The following MAN1C1 variants were observed in gnomAD, a reference collection of about 807,000 sequenced individuals.
MAN1C1 encodes mannosidase alpha class 1C member 1.
A neutral mutation model predicts 71.5 loss-of-function variants in MAN1C1; 49 were observed. That is an observed-to-expected ratio of 0.69 (90% CI 0.54 to 0.87). The LOEUF (loss-of-function observed/expected upper bound fraction) is 0.87, where lower values mean the gene tolerates loss of function less well. Ranked by LOEUF, MAN1C1 falls within the 40% of genes least tolerant of loss-of-function variation. The pLI is 0.00. For missense variants in MAN1C1, 743 were observed against 835.0 expected, an observed-to-expected ratio of 0.89 and a Z score of 1.36; for synonymous variants, 352 against 343.7, an observed-to-expected ratio of 1.02 and a Z score of -0.27.
chr1:25,747,160 C>T (rs1035858934), intron 3 of MAN1C1, among the ~76,000 whole-genome samples: 3 of 152,214 alleles, frequency 2.0e-5, no homozygotes, highest in Non-Finnish European at 2.9e-5. Context: ...GGAGGGGGGA[C>T]GTGGCTCATC....
At chr1:25,780,186 A>G (rs2047673988) in intron 9 of MAN1C1, among the ~76,000 whole-genome samples, 1 of 152,206 alleles carries the variant, frequency 6.6e-6, no homozygotes, top group African/African-American at 2.4e-5. Context: ...AAGGATAGAA[A>G]TAGTGTATTA....
chr1:25,712,506 G>A (rs1214245122), intron 2 of MAN1C1, among the ~76,000 whole-genome samples: 1 of 152,174 alleles, frequency 6.6e-6, no homozygotes, highest in Non-Finnish European at 1.5e-5. Flanking sequence ...GCCTTGGCCT[G>A]TTGGGAGGGT....
intron 1 of MAN1C1, among the ~76,000 whole-genome samples, chr1:25,633,862 T>A (rs2045420740): frequency 6.6e-6 from 1 of 152,218 alleles, no homozygotes; most frequent in Non-Finnish European, 1.5e-5. Context: ...TGTTATTGTT[T>A]TATAGGCTCT....
At chr1:25,657,941 C>T (rs774703987) in intron 1 of MAN1C1, among the ~76,000 whole-genome samples, 7 of 152,320 alleles carry the variant, frequency 4.6e-5, no homozygotes, top group East Asian at 3.9e-4. Context: ...ACACACACAG[C>T]GTGACCCACC....
intron 1 of MAN1C1, among the ~76,000 whole-genome samples, chr1:25,621,646 C>T (rs930123359): frequency 1.3e-5 from 2 of 151,202 alleles, no homozygotes; most frequent in Admixed American, 6.6e-5. Flanking sequence ...TTTTTTAAGA[C>T]GGAGTCTTGC....
chr1:25,623,085 G>A (rs11247861), intron 1 of MAN1C1, among the ~76,000 whole-genome samples: 25,712 of 151,986 alleles, frequency 0.17, 5,461 homozygotes, highest in African/African-American at 0.49. Flanking sequence ...AGTCTCTTCC[G>A]TTTCCCTCTT....
At chr1:25,621,918 C>T (rs1398201391) in intron 1 of MAN1C1, among the ~76,000 whole-genome samples, 2 of 152,132 alleles carry the variant, frequency 1.3e-5, no homozygotes, top group African/African-American at 4.8e-5. Context: ...CACGAGCCAC[C>T]GCGCCTGGCC....
chr1:25,619,932 A>G (rs2045181080), intron 1 of MAN1C1, among the ~76,000 whole-genome samples: 1 of 152,214 alleles, frequency 6.6e-6, no homozygotes. Context: ...CAGAGGTGCC[A>G]TCAGATTTTC....
chr1:25,748,715 G>A (rs2047171424), intron 3 of MAN1C1, among the ~76,000 whole-genome samples: 1 of 152,244 alleles, frequency 6.6e-6, no homozygotes, highest in African/African-American at 2.4e-5. Context: ...GGCATGCCCT[G>A]TGCGCTCCGA....
At chr1:25,768,936 TAC>T (rs954532708) in intron 7 of MAN1C1, among the ~76,000 whole-genome samples, 16 of 76,880 alleles carry the variant, frequency 2.1e-4, no homozygotes, top group East Asian at 1.7e-3. Context: ...CCTTACACAC[TAC>T]ACACACACAC....
intron 6 of MAN1C1, among the ~76,000 whole-genome samples, chr1:25,762,760 A>G (rs813414): frequency 0.25 from 37,974 of 151,952 alleles, 5,961 homozygotes; most frequent in African/African-American, 0.44. Context: ...TCATCTGTTG[A>G]TGGACATTTA....
intron 2 of MAN1C1, among the ~76,000 whole-genome samples, chr1:25,700,626 A>G (rs2046429412): frequency 6.6e-6 from 1 of 152,212 alleles, no homozygotes; most frequent in Non-Finnish European, 1.5e-5. Context: ...GAAAGCGGGC[A>G]TTTAAGAAGA....
intron 1 of MAN1C1, among the ~76,000 whole-genome samples, chr1:25,674,617 A>G (rs2046038773): frequency 6.6e-6 from 1 of 152,180 alleles, no homozygotes; most frequent in African/African-American, 2.4e-5. Context: ...AGGCAAAAAG[A>G]GGAGGGAGGA....
chr1:25,720,581 C>G (rs1438742935), intron 2 of MAN1C1, among the ~76,000 whole-genome samples: 1 of 152,194 alleles, frequency 6.6e-6, no homozygotes, highest in Non-Finnish European at 1.5e-5. Flanking sequence ...TACCAGTTCT[C>G]TATGGGACAT....
At chr1:25,718,288 A>G (rs1572171719) in intron 2 of MAN1C1, among the ~76,000 whole-genome samples, 2 of 152,142 alleles carry the variant, frequency 1.3e-5, no homozygotes, top group South Asian at 4.1e-4. Context: ...GTCCCAGCGC[A>G]TTAGGTGGTA....
At chr1:25,678,647 T>A (rs1447370323) in intron 1 of MAN1C1, among the ~76,000 whole-genome samples, 6 of 152,228 alleles carry the variant, frequency 3.9e-5, no homozygotes, top group Non-Finnish European at 7.3e-5. Flanking sequence ...ATGTTCACTA[T>A]GGCATTATTT....
chr1:25,774,467 G>A (rs2047593377), intron 8 of MAN1C1, among the ~76,000 whole-genome samples: 1 of 152,286 alleles, frequency 6.6e-6, no homozygotes, highest in East Asian at 1.9e-4. Flanking sequence ...CATTGGGCTG[G>A]CCTCTACTTA....
intron 10 of MAN1C1, among the ~76,000 whole-genome samples, chr1:25,781,962 A>T (rs1211045001): frequency 6.6e-6 from 1 of 152,230 alleles, no homozygotes; most frequent in Non-Finnish European, 1.5e-5. Context: ...GCACGCCTAT[A>T]GTCCCAGCTG....
intron 11 of MAN1C1, among the ~76,000 whole-genome samples, 154 bp from the exon 12 acceptor site, chr1:25,783,509 C>T (rs1031519192): frequency 6.6e-6 from 1 of 152,198 alleles, no homozygotes; most frequent in Non-Finnish European, 1.5e-5. Flanking sequence ...GGACTAGCAC[C>T]CCCACCCTGC....
Sources: allele counts gnomAD v4.1 joint callset (sites outside exome capture counted in the v4.1 genomes callset), GRCh38; gene constraint gnomAD v4.1.1; transcripts MANE v1.5; gene names NCBI Gene and HGNC (gene_info 2026-07-23, HGNC 2026-07-21).